The following ABR variants were observed in gnomAD, a reference collection of about 807,000 sequenced individuals.
The protein encoded by ABR is ABR activator of RhoGEF and GTPase, also known as active breakpoint cluster region-related protein.
A neutral mutation model predicts 107.2 loss-of-function variants in ABR; 35 were observed. That is an observed-to-expected ratio of 0.33 (90% CI 0.25 to 0.43). The LOEUF (loss-of-function observed/expected upper bound fraction) is 0.43, where lower values mean the gene tolerates loss of function less well. ABR is among the 20% of genes least tolerant of loss of function. The pLI is 1.00. For missense variants in ABR, 815 were observed against 1,115.2 expected (o/e 0.73, Z 3.83); for synonymous variants, 498 against 462.0 (o/e 1.08, Z -1.00).
chr17:1,177,694 AC>A (rs1440463112), intron 1 of ABR, among the ~76,000 whole-genome samples: 12 of 152,210 alleles, frequency 7.9e-5, no homozygotes, highest in African/African-American at 2.7e-4. Context: ...AAATAGGGAA[AC>A]AAGAACTGGG....
chr17:1,170,872 A>G (rs2041685405), intron 1 of ABR, among the ~76,000 whole-genome samples: 1 of 152,108 alleles, frequency 6.6e-6, no homozygotes, highest in Admixed American at 6.6e-5. Flanking sequence ...CCCTCTACAG[A>G]ACCCAGACAC....
chr17:1,162,875 C>T (rs1232059899), intron 1 of ABR, among the ~76,000 whole-genome samples: 2 of 152,190 alleles, frequency 1.3e-5, no homozygotes, highest in African/African-American at 4.8e-5. Context: ...AGTTTGAGGC[C>T]AGCCTGGCCA....
chr17:1,010,875 G>A lies in ABR; in HGVS notation c.2102-12C>T, dbSNP rs369707083. The A allele has an allele frequency of 1.2e-5, 19 of 1,613,072 alleles. No individual in the cohort carries two copies. The highest frequency in any genetic ancestry group is 1.5e-5 in the Non-Finnish European group (18 of 1,179,954). ...GATGTCCTTGTTATCTGCAGGGGTG[G>A]GGCCGAGGTCAGGCAGCCTTAGCTG... On this transcript the variant is annotated splice_polypyrimidine_tract_variant and intron_variant, in intron 19 of 22. Coordinates refer to ENST00000302538, the MANE Select transcript of ABR (RefSeq NM_021962.5). The surrounding 1 kb of genome is among the most constrained non-coding windows in gnomAD (Gnocchi z 4.1).
chr17:1,065,834 C>G (rs1215499059), intron 10 of ABR, among the ~76,000 whole-genome samples: 2 of 150,992 alleles, frequency 1.3e-5, no homozygotes, highest in Non-Finnish European at 2.9e-5. Context: ...CAACCTCTGC[C>G]TCCCAGGTTC....
rs140438483 is a variant in ABR, at chr17:1,061,171, C to G, written c.1183-2304G>C. ...GGCACCCGGCACACCCCAGGCAGCA[C>G]AGCCAGTGGGGCTCACTGAGTGTTG... On this transcript the variant is annotated intron_variant, in intron 10 of 22. Coordinates refer to ENST00000302538, the MANE Select transcript of ABR (RefSeq NM_021962.5). Among the ~76,000 whole-genome samples, 360 of 152,306 alleles carry G rather than the reference C, an allele frequency of 2.4e-3. 1 individual carries two copies. The highest frequency in any genetic ancestry group is 8.2e-3 in the African/African-American group (340 of 41,562).
chr17:1,050,076 T>C lies in ABR; in HGVS notation c.1765A>G (p.Lys589Glu). ...TGGATCTGTCCTTTGCCCATGATCT[T>C]GTCCACGATCTCATTGTTGTCCTTG... is the stretch of plus-strand genomic sequence containing the variant. ...VNKDNNEIVDKIMGKGQIQLD... is the reference protein window; with the variant it reads ...VNKDNNEIVDEIMGKGQIQLD... Residue 589 changes from lysine (K) to glutamate (E), a missense_variant, in exon 16 of 23, where the codon AAG (lysine) becomes GAG (glutamate). Physicochemically the swap from Lys to Glu is moderately conservative, Grantham distance 56. Around this residue, in one of 5 missense-constraint regions of ABR, gnomAD observed 92 missense variants for 82.3 expected, o/e 1.12. Coordinates refer to ENST00000302538, the MANE Select transcript of ABR (RefSeq NM_021962.5). The surrounding 1 kb of genome is among the most constrained non-coding windows in gnomAD (Gnocchi z 4.6). 6.2e-7 allele frequency: 1 copy of C among 1,614,164 alleles called. No homozygotes were observed. The highest frequency in any genetic ancestry group is 8.5e-7 in the Non-Finnish European group (1 of 1,180,008).
chr17:1,147,141 C>G (rs781200458), intron 1 of ABR, among the ~76,000 whole-genome samples: 1 of 152,246 alleles, frequency 6.6e-6, no homozygotes, highest in African/African-American at 2.4e-5. Context: ...TATCATTTCA[C>G]GGCTGAACAG....
At chr17:1,113,992 C>A (rs973613523) in intron 2 of ABR, among the ~76,000 whole-genome samples, 4 of 150,934 alleles carry the variant, frequency 2.7e-5, no homozygotes, top group African/African-American at 9.8e-5. Context: ...CATGGCAAGA[C>A]CTCATCTCTA....
chr17:1,147,008 C>A (rs2040583604), intron 1 of ABR, among the ~76,000 whole-genome samples: 1 of 152,258 alleles, frequency 6.6e-6, no homozygotes, highest in Non-Finnish European at 1.5e-5. Flanking sequence ...CAGTGCCCAG[C>A]AATATCCCCA....
At chr17:1,018,228 G>C (rs757693628) in intron 16 of ABR, among the ~76,000 whole-genome samples, 21 of 151,798 alleles carry the variant, frequency 1.4e-4, no homozygotes, top group Non-Finnish European at 2.9e-4. Context: ...ATTTTTAGTA[G>C]AGACGGGGTT....
chr17:1,007,464 G>GA lies in ABR; in HGVS notation c.2343-153dup, dbSNP rs2070145764. On this transcript the variant is annotated intron_variant, in intron 21 of 22. Coordinates refer to ENST00000302538, the MANE Select transcript of ABR (RefSeq NM_021962.5). ...CTAGGAGTGGGGACCTCCCCCGGGG[G>GA]AAGGGGACTCATCCAGGAGAGCAGG... 1.5e-5 allele frequency: 13 copies of GA among 894,752 alleles called. No individual in the cohort carries two copies. In the South Asian group the frequency reaches 2.2e-4, roughly 15 times the overall value. 55.4% of individuals were successfully genotyped at this position (894,752 alleles called of 1,614,324 possible). A position where few individuals can be genotyped will look rare whatever the true frequency, so the allele number is the denominator to read the frequency against.
intron 2 of ABR, among the ~76,000 whole-genome samples, chr17:1,117,064 A>G: frequency 6.6e-6 from 1 of 152,148 alleles, no homozygotes; most frequent in African/African-American, 2.4e-5. Context: ...AGAGACCAAG[A>G]AAGGGAAGAA....
At chr17:1,177,156 T>C in intron 1 of ABR, among the ~76,000 whole-genome samples, 1 of 152,200 alleles carries the variant, frequency 6.6e-6, no homozygotes, top group East Asian at 1.9e-4. Flanking sequence ...GCAGAGGAAC[T>C]TCCTCTGGGA....
rs1185917952 is a variant in ABR at position 1,006,029 on chromosome 17, C to T, written c.*51G>A. 2 of 1,472,894 alleles carry T rather than the reference C, an allele frequency of 1.4e-6. No individual in the cohort carries two copies. The highest frequency in any genetic ancestry group is 1.4e-5 in the African/African-American group (1 of 71,436). The allele number at this position is 1,472,894 out of a possible 1,614,324, so 91.2% of individuals were successfully genotyped here. ...AGTCTTTCAAGTCTGAGTTGGACCC[C>T]AGGCTGGAGGGGCTGGTTCCACCAC... On this transcript the variant is annotated 3_prime_UTR_variant, in exon 23 of 23. Transcript: ENST00000302538.
At chr17:1,072,853 G>A in intron 7 of ABR, 99 bp from the exon 8 acceptor site, 1 of 1,441,042 alleles carries the variant, frequency 6.9e-7, no homozygotes, top group Non-Finnish European at 9.2e-7. Flanking sequence ...TGGGCACTCA[G>A]GGACCTGCCT....
rs1308331850 is a variant in ABR at position 1,200,409 on chromosome 17, C to T, written c.838+28384G>A. On this transcript the variant is annotated intron_variant, in intron 1 of 22. Coordinates refer to the ABR transcript ENST00000574139. This position sits in a 1 kb window ranked among gnomAD's most constrained non-coding sequence, Gnocchi z 4.1. ...TTTTTTAAATAAAGTCTATGGGAGA[C>T]GTGATTAGGTTACATGTAACTATTA... Among the ~76,000 whole-genome samples the T allele has an allele frequency of 1.3e-5, 2 of 151,842 alleles. No individual in the cohort carries two copies. The highest frequency in any genetic ancestry group is 6.6e-5 in the Admixed American group (1 of 15,210).
At chr17:1,106,379 C>T (rs962094065) in intron 2 of ABR, among the ~76,000 whole-genome samples, 3 of 151,922 alleles carry the variant, frequency 2.0e-5, no homozygotes, top group East Asian at 3.9e-4. Context: ...AGAACCTCTG[C>T]AGCCCAGGAC....
upstream of ABR, among the ~76,000 whole-genome samples, chr17:1,189,387 T>C (rs1453283705): frequency 6.7e-6 from 1 of 149,136 alleles, no homozygotes; most frequent in Non-Finnish European, 1.5e-5. Context: ...CTCGTTCTTG[T>C]CCCCCAGGCT....
rs555125701 is a variant in ABR at position 1,051,608 on chromosome 17, T to C, written c.1562-974A>G. ...AGCAGTCCTCCCACCTCCAGGGAGA[T>C]GCCGAGGTTGTTCCCAGGGTACCAG... is the stretch of plus-strand genomic sequence containing the variant. On this transcript the variant is annotated intron_variant, in intron 14 of 22. Transcript: ENST00000302538. This position sits in a 1 kb window ranked among gnomAD's most constrained non-coding sequence, Gnocchi z 4.3. Among the ~76,000 whole-genome samples the C allele has an allele frequency of 6.6e-6, 1 of 152,248 alleles. No homozygotes were observed. The highest frequency in any genetic ancestry group is 1.9e-4 in the East Asian group (1 of 5,176).
Sources: allele counts gnomAD v4.1 joint callset (sites outside exome capture counted in the v4.1 genomes callset), GRCh38; gene constraint gnomAD v4.1.1; regional missense constraint gnomAD v4.1.1; non-coding constraint Gnocchi (gnomAD v3.1); transcripts MANE v1.5; gene names NCBI Gene and HGNC (gene_info 2026-07-23, HGNC 2026-07-21).